Variants in KCNMA1 observed in about 807,000 individuals in gnomAD.
KCNMA1 encodes the protein potassium calcium-activated channel subfamily M alpha 1.
Under a neutral mutation model 140.0 loss-of-function variants are expected in KCNMA1, and 29 were observed. The ratio of observed to expected loss-of-function variants is 0.21; its 90% CI spans 0.15 to 0.28. KCNMA1 has a LOEUF of 0.28. Among genes scored for constraint, KCNMA1 ranks in the 10% least tolerant of loss-of-function variants. The probability of loss-of-function intolerance (pLI) is 1.00; values close to 1 mark genes in which losing one functional copy is unlikely to be tolerated. For synonymous variants in KCNMA1, 612 were observed against 611.9 expected, an observed-to-expected ratio of 1.00 and a Z score of 0.00; for missense variants, 880 against 1,602.2, an observed-to-expected ratio of 0.55 and a Z score of 7.70.
chr10:76,955,306 G>C (rs1195319964), intron 20 of KCNMA1, among the ~76,000 whole-genome samples: 4 of 151,094 alleles, frequency 2.6e-5, no homozygotes, highest in African/African-American at 9.8e-5. Context: ...TATATGTCAA[G>C]AGTACAGAGT....
intron 2 of KCNMA1, among the ~76,000 whole-genome samples, chr10:77,374,364 C>T (rs928285486): frequency 1.3e-5 from 2 of 152,204 alleles, no homozygotes; most frequent in African/African-American, 4.8e-5. Context: ...TATTTAACAA[C>T]CAGAACACTC....
At chr10:77,062,244 A>T (rs78708191) in intron 14 of KCNMA1, among the ~76,000 whole-genome samples, 1,962 of 152,306 alleles carry the variant, frequency 0.013, 46 homozygotes, top group African/African-American at 0.045. Flanking sequence ...AACCTTGAGG[A>T]CTTATCAATC....
At chr10:77,260,818 G>A (rs2061805736) in intron 2 of KCNMA1, among the ~76,000 whole-genome samples, 1 of 152,194 alleles carries the variant, frequency 6.6e-6, no homozygotes, top group Admixed American at 6.5e-5. Context: ...CAACTGAGGT[G>A]GCAGATATAG....
intron 1 of KCNMA1, chr10:77,636,973 C>G: frequency 7.1e-7 from 1 of 1,412,460 alleles, no homozygotes; most frequent in Non-Finnish European, 9.2e-7. Context: ...CTGTGAGTCC[C>G]CGACCCCGGC....
chr10:77,144,298 G>T (rs2098244773), intron 5 of KCNMA1, among the ~76,000 whole-genome samples: 1 of 152,086 alleles, frequency 6.6e-6, no homozygotes, highest in African/African-American at 2.4e-5. Context: ...ACCTTATTTT[G>T]AAGGAAAGGA....
At chr10:77,320,294 C>A (rs2082005367) in intron 2 of KCNMA1, among the ~76,000 whole-genome samples, 1 of 152,116 alleles carries the variant, frequency 6.6e-6, no homozygotes, top group Non-Finnish European at 1.5e-5. Context: ...ACAGTGGAGA[C>A]ACAGGAAATA....
intron 14 of KCNMA1, among the ~76,000 whole-genome samples, chr10:77,049,221 A>C (rs1312481770): frequency 2.0e-5 from 3 of 152,096 alleles, no homozygotes; most frequent in Non-Finnish European, 2.9e-5. Context: ...GACCTTTTTC[A>C]GTTGTCAAAA....
chr10:77,059,742 T>C (rs531770614), intron 14 of KCNMA1, among the ~76,000 whole-genome samples: 3 of 152,150 alleles, frequency 2.0e-5, no homozygotes, highest in Non-Finnish European at 4.4e-5. Context: ...AAAACATCTA[T>C]AGTTCATATC....
intron 2 of KCNMA1, among the ~76,000 whole-genome samples, chr10:77,277,156 C>T (rs1417376154): frequency 6.6e-6 from 1 of 152,214 alleles, no homozygotes; most frequent in South Asian, 2.1e-4. Context: ...TTGGGGGAAG[C>T]TCTCCCTCCT....
At chr10:76,942,205 T>A (rs998651313) in intron 23 of KCNMA1, among the ~76,000 whole-genome samples, 3 of 152,080 alleles carry the variant, frequency 2.0e-5, no homozygotes, top group Admixed American at 6.6e-5. Context: ...ACTCCTGACC[T>A]CAGGTGATCC....
At chr10:77,090,627 C>T (rs1291048071) in intron 9 of KCNMA1, 117 bp from the exon 10 acceptor site, 12 of 734,112 alleles carry the variant, frequency 1.6e-5, no homozygotes, top group East Asian at 7.8e-5. Flanking sequence ...TCTCCTCCCT[C>T]CGCCTCCATA....
chr10:77,142,222 T>A (rs1424522726), intron 5 of KCNMA1, among the ~76,000 whole-genome samples: 1 of 151,086 alleles, frequency 6.6e-6, no homozygotes, highest in African/African-American at 2.4e-5. Flanking sequence ...CAAAAAAAAA[T>A]TAGCCGGGCG....
chr10:76,961,060 A>C (rs1194302406), intron 20 of KCNMA1, among the ~76,000 whole-genome samples: 2 of 151,880 alleles, frequency 1.3e-5, no homozygotes, highest in East Asian at 3.9e-4. Flanking sequence ...ATTACTTAAG[A>C]AATATATTTA....
At chr10:76,972,943 A>G (rs1341996484) in intron 19 of KCNMA1, 1 of 152,244 alleles carries the variant, frequency 6.6e-6, no homozygotes, top group African/African-American at 2.4e-5. Flanking sequence ...AGATCTAGGA[A>G]AACTTTTAGT....
chr10:77,589,774 T>A (rs2078433768), intron 1 of KCNMA1, among the ~76,000 whole-genome samples: 1 of 152,086 alleles, frequency 6.6e-6, no homozygotes, highest in Non-Finnish European at 1.5e-5. Context: ...TTACAGCTCA[T>A]AAAGGCAGCG....
chr10:77,382,619 C>T (rs972957060), intron 2 of KCNMA1, among the ~76,000 whole-genome samples: 60 of 151,966 alleles, frequency 3.9e-4, no homozygotes, highest in African/African-American at 1.5e-3. Flanking sequence ...AATCCCAGCA[C>T]TTTGGGAGGC....
intron 2 of KCNMA1, among the ~76,000 whole-genome samples, chr10:77,374,055 G>A (rs1246548704): frequency 6.6e-6 from 1 of 152,176 alleles, no homozygotes; most frequent in African/African-American, 2.4e-5. Context: ...GGCTGATTGA[G>A]AATCTTAAGT....
intron 15 of KCNMA1, among the ~76,000 whole-genome samples, chr10:77,028,390 C>T (rs183110971): frequency 5.8e-4 from 89 of 152,204 alleles, no homozygotes; most frequent in African/African-American, 2.0e-3. Flanking sequence ...ATGACGATGG[C>T]ATTGTCACTC....
At chr10:76,933,463 C>T (rs1215499194) in intron 23 of KCNMA1, among the ~76,000 whole-genome samples, 1 of 152,168 alleles carries the variant, frequency 6.6e-6, no homozygotes, top group Non-Finnish European at 1.5e-5. Context: ...ACATAGTGAG[C>T]CCTTTAAGTA....
Sources: gnomAD v4.1 joint callset for allele counts (sites outside exome capture counted in the v4.1 genomes callset) on GRCh38, gnomAD v4.1.1 for gene constraint, MANE v1.5 for transcripts, NCBI Gene and HGNC (gene_info 2026-07-23, HGNC 2026-07-21) for gene names.